IPO11: variants seen among roughly 807,000 people sequenced by gnomAD.
IPO11 encodes importin 11, also known as importin-11.
A neutral mutation model predicts 143.2 loss-of-function variants in IPO11; 66 were observed. The observed-to-expected ratio is 0.46, with a 90% CI of 0.38 to 0.57. The LOEUF is 0.57. Ranked by LOEUF, IPO11 falls within the 20% of genes least tolerant of loss-of-function variation. The pLI is 0.00. For synonymous variants in IPO11, 385 were observed against 377.8 expected, an observed-to-expected ratio of 1.02 and a Z score of -0.22; for missense variants, 1,026 against 1,141.0, an observed-to-expected ratio of 0.90 and a Z score of 1.45.
At chr5:62,591,426 C>A in intron 27 of IPO11, 151 bp from the exon 28 acceptor site, 1 of 557,908 alleles carries the variant, frequency 1.8e-6, no homozygotes, top group South Asian at 2.5e-5. Context: ...CAAAGATAAA[C>A]TTTTTGTTAT....
chr5:62,598,418 T>C (rs571219376), intron 28 of IPO11, among the ~76,000 whole-genome samples: 1 of 9,416 alleles, frequency 1.1e-4, no homozygotes, highest in Non-Finnish European at 1.6e-4. Context: ...CTTTCTTTCT[T>C]TCTTTCTTTC....
At chr5:62,590,364 A>T (rs2112425703) in intron 27 of IPO11, among the ~76,000 whole-genome samples, 1 of 152,342 alleles carries the variant, frequency 6.6e-6, no homozygotes, top group Middle Eastern at 3.4e-3. Context: ...ATAAGCAGAT[A>T]AATACAGTTA....
chr5:62,467,095 T>C (rs1323765032), intron 5 of IPO11, 36 bp from the exon 6 acceptor site: 12 of 1,583,216 alleles, frequency 7.6e-6, no homozygotes, highest in African/African-American at 2.7e-5. Flanking sequence ...AAATGTATAA[T>C]ACACTATGAA....
intron 29 of IPO11, among the ~76,000 whole-genome samples, chr5:62,626,094 A>G (rs1746561296): frequency 6.6e-6 from 1 of 151,630 alleles, no homozygotes; most frequent in Non-Finnish European, 1.5e-5. Context: ...CAATGGCACG[A>G]TCTCAGCTCA....
intron 29 of IPO11, among the ~76,000 whole-genome samples, chr5:62,615,188 C>A (rs575784165): frequency 2.6e-5 from 4 of 152,274 alleles, no homozygotes; most frequent in Non-Finnish European, 4.4e-5. Context: ...CCTCGAGTTT[C>A]CAGGCTTGAG....
intron 9 of IPO11, among the ~76,000 whole-genome samples, chr5:62,480,831 T>G (rs879450992): frequency 8.6e-5 from 13 of 152,010 alleles, no homozygotes; most frequent in Non-Finnish European, 1.8e-4. Flanking sequence ...AAGGAGATTT[T>G]GGGCTGAGAT....
At chr5:62,578,697 C>G (rs376598408) in intron 27 of IPO11, 2 of 468,702 alleles carry the variant, frequency 4.3e-6, no homozygotes. Flanking sequence ...TACTTCCTGT[C>G]TCTTAGCTTC....
chr5:62,498,356 C>G lies in IPO11; in HGVS notation c.1590+4232C>G, dbSNP rs554177034. ...AAAGTATCTTTTACATTCTCCCTTC[C>G]TTTCCCCTTTATAATATATTAGTTA... On this transcript the variant is annotated intron_variant, in intron 16 of 29. Coordinates refer to ENST00000325324, the MANE Select transcript of IPO11 (RefSeq NM_016338.5). Among the ~76,000 whole-genome samples the G allele has an allele frequency of 5.3e-5, 8 of 152,284 alleles. No individual in the cohort carries two copies. The East Asian group carries it at 1.2e-3, about 22-fold the overall frequency.
At chr5:62,508,695 A>G (rs747296103) in intron 19 of IPO11, among the ~76,000 whole-genome samples, 13 of 149,972 alleles carry the variant, frequency 8.7e-5, no homozygotes, top group Non-Finnish European at 1.8e-4. Flanking sequence ...GTTTTGCTGC[A>G]CCCATCATGT....
chr5:62,579,689 ATT>A (rs747981697), intron 27 of IPO11: 1 of 1,548,302 alleles, frequency 6.5e-7, no homozygotes, highest in South Asian at 1.2e-5. Flanking sequence ...ACAGGACTTC[ATT>A]CTCTTGTAGC....
At chr5:62,450,138 A>C in intron 4 of IPO11, 139 bp downstream of exon 4, 1 of 536,794 alleles carries the variant, frequency 1.9e-6, no homozygotes, top group Non-Finnish European at 3.2e-6. Context: ...TCTATTTTTA[A>C]ATTTTGAGAT....
chr5:62,538,715 A>G (rs953754133), intron 24 of IPO11, among the ~76,000 whole-genome samples: 1 of 152,224 alleles, frequency 6.6e-6, no homozygotes, highest in Non-Finnish European at 1.5e-5. Context: ...TGACTCATAC[A>G]TTAACCAGTA....
At chr5:62,569,190 A>G (rs995659506) in intron 27 of IPO11, among the ~76,000 whole-genome samples, 3 of 152,118 alleles carry the variant, frequency 2.0e-5, no homozygotes, top group African/African-American at 4.8e-5. Context: ...GCTGTCTGCA[A>G]ACTTCCTTCT....
At chr5:62,449,386 C>T (rs577712520) in intron 3 of IPO11, among the ~76,000 whole-genome samples, 27 of 152,252 alleles carry the variant, frequency 1.8e-4, no homozygotes, top group African/African-American at 6.5e-4. Flanking sequence ...TAGTTGATTT[C>T]TGATAAGTCA....
At chr5:62,416,715 C>CTTTTTTTTTTTTTTTTTTTTTTTT (rs11295932) in intron 1 of IPO11, among the ~76,000 whole-genome samples, 1 of 144,138 alleles carries the variant, frequency 6.9e-6, no homozygotes, top group Admixed American at 7.0e-5. Context: ...CTCTTATTAT[C>CTTTTTTTTTTTTTTTTTTTTTTTT]TTTTTTTTTT....
chr5:62,537,360 T>TTGGA (rs1185171873), intron 24 of IPO11, 71 bp downstream of exon 24: 1 of 1,034,450 alleles, frequency 9.7e-7, no homozygotes, highest in African/African-American at 1.6e-5. Context: ...GGACTTTCAT[T>TTGGA]TGGATGGTTC....
At chr5:62,427,542 G>A (rs114370253) in intron 1 of IPO11, among the ~76,000 whole-genome samples, 2 of 152,236 alleles carry the variant, frequency 1.3e-5, no homozygotes, top group African/African-American at 4.8e-5. Flanking sequence ...GAGGTGAGCA[G>A]TGGGTGGAGA....
chr5:62,521,717 C>G (rs1580279411), intron 20 of IPO11, among the ~76,000 whole-genome samples: 1 of 151,546 alleles, frequency 6.6e-6, no homozygotes, highest in African/African-American at 2.4e-5. Flanking sequence ...GTCTGATTTT[C>G]TTTGTTTCCT....
intron 22 of IPO11, 58 bp from the exon 23 acceptor site, chr5:62,536,644 A>T: frequency 6.5e-7 from 1 of 1,539,718 alleles, no homozygotes; most frequent in East Asian, 2.5e-5. Context: ...CTTCATTTAA[A>T]CTAATTTTGA....
Sources: allele counts gnomAD v4.1 joint callset (sites outside exome capture counted in the v4.1 genomes callset), GRCh38; gene constraint gnomAD v4.1.1; transcripts MANE v1.5; gene names NCBI Gene and HGNC (gene_info 2026-07-23, HGNC 2026-07-21).